The following TRIM2 variants were observed in gnomAD, a reference collection of about 807,000 sequenced individuals.
The protein encoded by TRIM2 is tripartite motif containing 2.
TRIM2 carries 20 observed loss-of-function variants against 75.2 expected under a neutral mutation model. The ratio of observed to expected loss-of-function variants is 0.27; its 90% CI spans 0.19 to 0.39. TRIM2 has a LOEUF of 0.39. Ranked by LOEUF, TRIM2 falls within the 10% of genes least tolerant of loss-of-function variation. TRIM2 has a pLI of 1.00. For synonymous variants in TRIM2, 373 were observed against 388.3 expected (o/e 0.96, Z 0.46); for missense variants, 660 against 990.8 (o/e 0.67, Z 4.48).
At chr4:153,294,523 A>T (rs1370169203) in intron 5 of TRIM2, 38 bp downstream of exon 5, 2 of 1,599,650 alleles carry the variant, frequency 1.3e-6, no homozygotes, top group Non-Finnish European at 1.7e-6. Flanking sequence ...TGGAAGAGAC[A>T]TGATATCCAA....
At chr4:153,310,864 C>A (rs973615083) in intron 6 of TRIM2, among the ~76,000 whole-genome samples, 1 of 152,164 alleles carries the variant, frequency 6.6e-6, no homozygotes, top group Non-Finnish European at 1.5e-5. Context: ...TTCCTCTGAC[C>A]TTGTGATTTA....
intron 1 of TRIM2, among the ~76,000 whole-genome samples, chr4:153,154,192 T>G (rs1729010457): frequency 1.3e-5 from 2 of 152,248 alleles, no homozygotes; most frequent in Admixed American, 1.3e-4. Context: ...TCCTGTTTAA[T>G]GTTTCAAGTG....
At chr4:153,293,170 T>C in intron 4 of TRIM2, 37 bp downstream of exon 4, 1 of 1,579,926 alleles carries the variant, frequency 6.3e-7, no homozygotes, top group South Asian at 1.1e-5. Flanking sequence ...ACTGGCTGCC[T>C]GTACTTGAGG....
intron 6 of TRIM2, among the ~76,000 whole-genome samples, chr4:153,312,268 T>C (rs893390656): frequency 6.6e-6 from 1 of 152,040 alleles, no homozygotes; most frequent in South Asian, 2.1e-4. Flanking sequence ...GGCTGCATAG[T>C]ATTCCATGGT....
intron 1 of TRIM2, among the ~76,000 whole-genome samples, chr4:153,238,976 G>A (rs1267087740): frequency 2.6e-5 from 4 of 152,188 alleles, no homozygotes; most frequent in South Asian, 2.1e-4. Flanking sequence ...GGAGCCTTTG[G>A]AAGGTGATTA....
At chr4:153,181,861 C>T (rs75472078) in intron 1 of TRIM2, among the ~76,000 whole-genome samples, 6,426 of 152,200 alleles carry the variant, frequency 0.042, 177 homozygotes, top group South Asian at 0.061. Context: ...GGCTGTGTGC[C>T]AGGGCGGGTG....
intron 6 of TRIM2, chr4:153,308,411 C>T: frequency 1.2e-6 from 1 of 857,312 alleles, no homozygotes; most frequent in South Asian, 1.3e-5. Flanking sequence ...CCAGCCCCTT[C>T]ATGGAAGATT....
chr4:153,325,129 G>A (rs889705781), intron 10 of TRIM2, among the ~76,000 whole-genome samples: 1 of 152,140 alleles, frequency 6.6e-6, no homozygotes, highest in African/African-American at 2.4e-5. Context: ...TAGATAAGGG[G>A]TAGGTTTTTT....
intron 1 of TRIM2, among the ~76,000 whole-genome samples, chr4:153,196,597 T>C (rs544299812): frequency 6.6e-6 from 1 of 152,240 alleles, no homozygotes; most frequent in Admixed American, 6.5e-5. Context: ...GCTGTATTCA[T>C]GTCATTACCG....
chr4:153,187,973 G>T (rs1478467965), intron 1 of TRIM2, among the ~76,000 whole-genome samples: 1 of 152,088 alleles, frequency 6.6e-6, no homozygotes, highest in Non-Finnish European at 1.5e-5. Flanking sequence ...CCCCTTCATA[G>T]GCCAACTCTG....
rs1214049022 is a variant in TRIM2, at chr4:153,336,686, A to C, written c.*1720A>C. 2.0e-6 allele frequency: 2 copies of C among 984,888 alleles called. No individual in the cohort carries two copies. Among genetic ancestry groups the C allele is most frequent in the Non-Finnish European group, 2.4e-6 (2 of 829,168 alleles). 61.0% of individuals were successfully genotyped at this position (984,888 alleles called of 1,614,324 possible). On this transcript the variant is annotated 3_prime_UTR_variant, in exon 12 of 12. Coordinates refer to ENST00000338700, the MANE Select transcript of TRIM2 (RefSeq NM_015271.5). ...ATGAATGTGATGTTTATTGCTTATT[A>C]ATTTATAATTCAGTCATTCTCTATA...
At chr4:153,219,144 T>G (rs73854605) in intron 1 of TRIM2, among the ~76,000 whole-genome samples, 1 of 152,190 alleles carries the variant, frequency 6.6e-6, no homozygotes. Context: ...TCAGTAAACA[T>G]TGGTTGATCT....
rs759524701 is a variant in TRIM2, at chr4:153,322,741, G to A, written c.1876G>A (p.Val626Met). ...IIVVDNKACC[V>M]FIFQPNGKIV... ...TGTTGTGGACAACAAGGCGTGCTGC[G>A]TGTTTATCTTCCAGCCAAACGGGAA... The change falls in exon 9 of 12, where the codon GTG becomes ATG. Residue 626 changes from valine (V) to methionine (M), a missense_variant. Val to Met is a conservative substitution (Grantham distance 21). Transcript: ENST00000338700. 12 of 1,614,214 alleles carry A rather than the reference G, an allele frequency of 7.4e-6. No homozygotes were observed. The highest frequency in any genetic ancestry group is 2.2e-5 in the East Asian group (1 of 44,886).
At chr4:153,217,482 C>T (rs1738801790) in intron 1 of TRIM2, among the ~76,000 whole-genome samples, 2 of 152,150 alleles carry the variant, frequency 1.3e-5, no homozygotes, top group African/African-American at 4.8e-5. Flanking sequence ...CTGAGGGAGT[C>T]AGTGCAAGAA....
intron 1 of TRIM2, among the ~76,000 whole-genome samples, chr4:153,164,145 T>C (rs941015560): frequency 2.6e-5 from 4 of 152,152 alleles, no homozygotes; most frequent in African/African-American, 9.7e-5. Flanking sequence ...TTGTTTTGTT[T>C]TGTTTTGTTT....
chr4:153,252,710 A>G (rs1274341066), intron 1 of TRIM2, among the ~76,000 whole-genome samples: 3 of 152,224 alleles, frequency 2.0e-5, no homozygotes, highest in African/African-American at 4.8e-5. Context: ...GGGTTTCACT[A>G]TCTTGGCCAG....
chr4:153,333,662 C>T (rs1025228488), intron 11 of TRIM2, among the ~76,000 whole-genome samples: 4 of 152,084 alleles, frequency 2.6e-5, no homozygotes, highest in East Asian at 3.8e-4. Flanking sequence ...ATCAGCCCCC[C>T]GTACCCCCAA....
chr4:153,329,948 G>A (rs1394696753), intron 11 of TRIM2, among the ~76,000 whole-genome samples: 7 of 151,766 alleles, frequency 4.6e-5, no homozygotes, highest in African/African-American at 1.7e-4. Context: ...CAAAACCCTA[G>A]CAAGACTGAC....
rs146301194 is a variant in TRIM2, at chr4:153,248,347, C to T, written c.31-21988C>T. Reference sequence around the variant, plus strand: ...ACAAACCATTTCCTTCTCCTAACAACGCTATGTAGTCAGTACCCTTGTCAT... The same window carrying T: ...ACAAACCATTTCCTTCTCCTAACAATGCTATGTAGTCAGTACCCTTGTCAT... On this transcript the variant is annotated intron_variant, in intron 1 of 11. Transcript: ENST00000338700. The surrounding 1 kb of genome is among the most constrained non-coding windows in gnomAD (Gnocchi z 4.0). Among the ~76,000 whole-genome samples, 340 of 152,296 alleles carry T rather than the reference C, an allele frequency of 2.2e-3. 1 individual carries two copies. The highest frequency in any genetic ancestry group is 7.7e-3 in the African/African-American group (319 of 41,558).
Sources: gnomAD v4.1 joint callset for allele counts (sites outside exome capture counted in the v4.1 genomes callset) on GRCh38, gnomAD v4.1.1 for gene constraint, Gnocchi (gnomAD v3.1) non-coding constraint, MANE v1.5 for transcripts, NCBI Gene and HGNC (gene_info 2026-07-23, HGNC 2026-07-21) for gene names.